NRXN3: variants seen among roughly 807,000 people sequenced by gnomAD.
The protein encoded by NRXN3 is neurexin III.
A neutral mutation model predicts 137.6 loss-of-function variants in NRXN3; 32 were observed. That is an observed-to-expected ratio of 0.23 (90% CI 0.18 to 0.31). The LOEUF (loss-of-function observed/expected upper bound fraction) is 0.31. Ranked by LOEUF, NRXN3 falls within the 10% of genes least tolerant of loss-of-function variation. The pLI, the probability that NRXN3 is intolerant of heterozygous loss-of-function variation, is 1.00. For synonymous variants in NRXN3, 798 were observed against 784.5 expected, an observed-to-expected ratio of 1.02 and a Z score of -0.29; for missense variants, 1,574 against 2,062.5, an observed-to-expected ratio of 0.76 and a Z score of 4.59.
At chr14:79,039,034 A>G (rs1329354754) in intron 15 of NRXN3, among the ~76,000 whole-genome samples, 1 of 152,166 alleles carries the variant, frequency 6.6e-6, no homozygotes, top group East Asian at 1.9e-4. Flanking sequence ...AAACACAACC[A>G]GTGTCAGTGT....
intron 15 of NRXN3, among the ~76,000 whole-genome samples, chr14:79,157,522 A>G (rs2060359054): frequency 6.6e-6 from 1 of 151,860 alleles, no homozygotes; most frequent in African/African-American, 2.4e-5. Flanking sequence ...GTACAATTAC[A>G]GAAAGCAGCA....
intron 16 of NRXN3, among the ~76,000 whole-genome samples, chr14:79,565,260 T>TACACGTGTGTGTATACATATACGC (rs2097536659): frequency 2.4e-3 from 6 of 2,524 alleles, no homozygotes; most frequent in Non-Finnish European, 1.9e-3. Flanking sequence ...TATATACATA[T>TACACGTGTGTGTATACATATACGC]ACACATGTGT....
At chr14:79,743,981 A>G (rs767165387) in intron 19 of NRXN3, among the ~76,000 whole-genome samples, 1 of 152,340 alleles carries the variant, frequency 6.6e-6, no homozygotes, top group South Asian at 2.1e-4. Context: ...TCAATTTTAT[A>G]CTGACTAAGA....
chr14:79,274,686 G>C (rs1163315516), intron 15 of NRXN3, among the ~76,000 whole-genome samples: 1 of 151,908 alleles, frequency 6.6e-6, no homozygotes, highest in Non-Finnish European at 1.5e-5. Flanking sequence ...GCTAAATAAG[G>C]TTTTCACAGG....
rs1034151379 is a variant in NRXN3 at position 78,966,254 on chromosome 14, T to C, written c.2625T>C (p.Phe875=). Residue 875 remains phenylalanine, a synonymous_variant, in exon 12 of 21, where the codon TTT becomes TTC. Coordinates refer to ENST00000335750, the MANE Select transcript of NRXN3 (RefSeq NM_001330195.2). ...LRNIIADPVT[F]KTKSSYLSLA... Reference sequence around the variant, plus strand: ...ACATCATCGCTGACCCTGTCACCTTTAAGACCAAGAGCAGCTACCTGAGCC... The same window carrying C: ...ACATCATCGCTGACCCTGTCACCTTCAAGACCAAGAGCAGCTACCTGAGCC... 6.8e-6 allele frequency: 11 copies of C among 1,614,238 alleles called. No homozygotes were observed. The highest frequency in any genetic ancestry group is 9.3e-6 in the Non-Finnish European group (11 of 1,180,034).
At chr14:78,629,514 A>T (rs1183095771) in intron 4 of NRXN3, among the ~76,000 whole-genome samples, 1 of 152,208 alleles carries the variant, frequency 6.6e-6, no homozygotes, top group African/African-American at 2.4e-5. Flanking sequence ...ACCTGGATGC[A>T]CTGGAGGCTG....
chr14:78,328,759 T>C (rs1210250163), intron 4 of NRXN3, among the ~76,000 whole-genome samples: 1 of 152,202 alleles, frequency 6.6e-6, no homozygotes, highest in Non-Finnish European at 1.5e-5. Flanking sequence ...TGTAAGTCTC[T>C]CTGGGCAAAG....
chr14:79,587,773 G>A (rs2097773828), intron 16 of NRXN3, among the ~76,000 whole-genome samples: 1 of 152,206 alleles, frequency 6.6e-6, no homozygotes, highest in Non-Finnish European at 1.5e-5. Flanking sequence ...ATCTTGGTGA[G>A]CAGAAATCAG....
At chr14:79,650,106 T>G (rs1028621817) in intron 16 of NRXN3, among the ~76,000 whole-genome samples, 4 of 151,612 alleles carry the variant, frequency 2.6e-5, no homozygotes, top group Non-Finnish European at 5.9e-5. Context: ...TGCTGCAGAT[T>G]GCTTGCTTGC....
At position 78,516,087 on chromosome 14, in the gene NRXN3, G is replaced by T. The variant is rs369137996; in HGVS notation, c.758-129033G>T. ...CCACTCCATGGTATTCATCACCAGT[G>T]TCAAAATTGCCATAATAATTAACAT... is the stretch of plus-strand genomic sequence containing the variant. On this transcript the variant is annotated intron_variant, in intron 4 of 20. Coordinates refer to ENST00000335750, the MANE Select transcript of NRXN3 (RefSeq NM_001330195.2). Among the ~76,000 whole-genome samples, 68 of 152,150 alleles carry T rather than the reference G, an allele frequency of 4.5e-4. 1 individual carries two copies. In the South Asian group the frequency reaches 7.7e-3, roughly 17 times the overall value.
At chr14:79,380,146 C>CT (rs1341225259) in intron 15 of NRXN3, among the ~76,000 whole-genome samples, 15 of 46,664 alleles carry the variant, frequency 3.2e-4, no homozygotes, top group African/African-American at 9.1e-4. Flanking sequence ...AGATATACTT[C>CT]TTCTTTTTTT....
rs1396434412 is a variant in NRXN3, at chr14:79,628,025, AG to A, written c.3445-35751del. On this transcript the variant is annotated intron_variant, in intron 16 of 20. Coordinates refer to ENST00000335750, the MANE Select transcript of NRXN3 (RefSeq NM_001330195.2). ...AATAAAAGAAGATTAAAATAAAAAAAGGTTTCCTTTTAATCAATCTATTAAT... is the reference window on the plus strand; with the variant it reads ...AATAAAAGAAGATTAAAATAAAAAAAGTTTCCTTTTAATCAATCTATTAAT... Among the ~76,000 whole-genome samples the A allele has an allele frequency of 4.6e-5, 7 of 152,310 alleles. No homozygotes were observed. In the South Asian group the frequency reaches 1.2e-3, roughly 27 times the overall value.
At chr14:79,284,779 G>A (rs1279130374) in intron 15 of NRXN3, among the ~76,000 whole-genome samples, 4 of 151,974 alleles carry the variant, frequency 2.6e-5, no homozygotes, top group African/African-American at 4.8e-5. Flanking sequence ...TCAGCCTTGG[G>A]GGCTTGTTTT....
chr14:78,496,662 G>T (rs560433929), intron 4 of NRXN3, among the ~76,000 whole-genome samples: 1 of 152,166 alleles, frequency 6.6e-6, no homozygotes, highest in South Asian at 2.1e-4. Context: ...TTTATAGTAT[G>T]TTAGAAGATT....
intron 4 of NRXN3, among the ~76,000 whole-genome samples, chr14:78,490,152 A>T (rs184381828): frequency 6.6e-6 from 1 of 151,340 alleles, no homozygotes; most frequent in African/African-American, 2.4e-5. Flanking sequence ...TGATCTTGTG[A>T]TCCACCCACC....
At chr14:78,456,799 CT>C (rs2094719911) in intron 4 of NRXN3, among the ~76,000 whole-genome samples, 2 of 97,620 alleles carry the variant, frequency 2.0e-5, no homozygotes, top group African/African-American at 7.0e-5. Context: ...CTCTCTTTCT[CT>C]CTTTCTTTCT....
chr14:79,266,985 G>GTTAA, intron 15 of NRXN3, among the ~76,000 whole-genome samples: 1 of 152,168 alleles, frequency 6.6e-6, no homozygotes, highest in East Asian at 1.9e-4. Context: ...CAAATGTTTT[G>GTTAA]GTCATCACTT....
intron 8 of NRXN3, among the ~76,000 whole-genome samples, chr14:78,775,238 G>A (rs2098741199): frequency 6.6e-6 from 1 of 152,184 alleles, no homozygotes; most frequent in Non-Finnish European, 1.5e-5. Flanking sequence ...AATCTTGTTA[G>A]GGGTGTGGTG....
At chr14:78,667,865 C>T (rs2097901363) in intron 6 of NRXN3, among the ~76,000 whole-genome samples, 1 of 152,000 alleles carries the variant, frequency 6.6e-6, no homozygotes. Context: ...CTCACTGCAA[C>T]CTCTGCCTCC....
Sources: gnomAD v4.1 joint callset for allele counts (sites outside exome capture counted in the v4.1 genomes callset) on GRCh38, gnomAD v4.1.1 for gene constraint, MANE v1.5 for transcripts, NCBI Gene and HGNC (gene_info 2026-07-23, HGNC 2026-07-21) for gene names.